Variants in MINDY4B observed in about 807,000 individuals in gnomAD.
MINDY4B encodes the protein MINDY family member 4B.
MINDY4B carries 25 observed loss-of-function variants against 16.7 expected under a neutral mutation model. The ratio of observed to expected loss-of-function variants is 1.49; its 90% confidence interval spans 1.09 to 2.09. The LOEUF is 2.09. Among genes scored for constraint, MINDY4B ranks in the 30% most tolerant of loss-of-function variants. The pLI is 0.00. For missense variants in MINDY4B, 327 were observed against 168.4 expected, an observed-to-expected ratio of 1.94 and a Z score of -5.21; for synonymous variants, 132 against 61.9, an observed-to-expected ratio of 2.13 and a Z score of -5.32.
At position 150,882,907 on chromosome 3, in the gene MINDY4B, C is replaced by G; in HGVS notation, c.1049G>C (p.Arg350Thr). The part of the protein sequence containing the change: ...QWGKDASEDD[R>T]LSQVGSMLKT... Reference sequence around the variant, plus strand: ...CTGGAACACACTCACCTGTGAGAGTCTGTCATCTTCCGAGGCATCCTTACC... The same window carrying G: ...CTGGAACACACTCACCTGTGAGAGTGTGTCATCTTCCGAGGCATCCTTACC... Residue 350 changes from arginine to threonine, a missense_variant, in exon 10 of 12, where the codon AGA becomes ACA. Transcript: ENST00000465419. The G allele has an allele frequency of 1.4e-6, 1 of 701,810 alleles. No homozygotes were observed. Among genetic ancestry groups the G allele is most frequent in the Non-Finnish European group, 2.6e-6 (1 of 384,232 alleles). 43.5% of individuals were successfully genotyped at this position (701,810 alleles called of 1,614,324 possible). A position where few individuals can be genotyped will look rare whatever the true frequency, so the allele number is the denominator to read the frequency against.
Position 150,890,962 on chromosome 3 carries a change from G to A in MINDY4B, c.663C>T (p.Tyr221=), listed in dbSNP as rs1711785382. ...CTCGCTCAGTGAAATTGTCCACAGA[G>A]TAGTCCGGAGTCGACGCAACGTAAA... ...EDIYVASTPD[Y]SVDNFTERLQ... Residue 221 remains tyrosine, a synonymous_variant, in exon 6 of 12, where the codon TAC becomes TAT. Transcript: ENST00000465419. The A allele has an allele frequency of 1.4e-6, 1 of 702,836 alleles. No individual in the cohort carries two copies. Among genetic ancestry groups the A allele is most frequent in the Non-Finnish European group, 2.6e-6 (1 of 384,820 alleles). The allele number at this position is 702,836 out of a possible 1,614,324, so 43.5% of individuals were successfully genotyped here.
chr3:150,879,920 G>C (rs1420537842), intron 10 of MINDY4B, among the ~76,000 whole-genome samples: 1 of 152,206 alleles, frequency 6.6e-6, no homozygotes, highest in Non-Finnish European at 1.5e-5. Context: ...TGGACACAGA[G>C]CCTCCCAATT....
At chr3:150,879,988 CATT>C (rs926704092) in intron 10 of MINDY4B, among the ~76,000 whole-genome samples, 3 of 152,238 alleles carry the variant, frequency 2.0e-5, no homozygotes, top group African/African-American at 7.2e-5. Flanking sequence ...AGCACTATAA[CATT>C]ATGCCTTGTT....
Position 150,903,363 on chromosome 3 carries a change from T to C in MINDY4B, c.195A>G (p.Leu65=). The change falls in exon 3 of 12, where the codon CTA becomes CTG. Residue 65 remains leucine (L), a synonymous_variant. Transcript: ENST00000465419. Reference sequence around the variant, plus strand: ...AATGTCCTTGTCCTTTGGGCTGAGATAGTCCTGTTCCATCTTCATTTTCAT... The same window carrying C: ...AATGTCCTTGTCCTTTGGGCTGAGACAGTCCTGTTCCATCTTCATTTTCAT... The part of the protein sequence containing the change: ...SADENEDGTG[L]SQPKGQGHLP... 1 of 398,580 alleles carries C rather than the reference T, an allele frequency of 2.5e-6. No individual in the cohort carries two copies. The highest frequency in any genetic ancestry group is 4.4e-6 in the Non-Finnish European group (1 of 226,020). The allele number at this position is 398,580 out of a possible 1,614,324, so 24.7% of individuals were successfully genotyped here.
At chr3:150,901,609 C>T (rs576553739) in intron 3 of MINDY4B, among the ~76,000 whole-genome samples, 117 of 150,694 alleles carry the variant, frequency 7.8e-4, no homozygotes, top group African/African-American at 2.3e-3. Flanking sequence ...GCAACCTCTG[C>T]GTCCTGGGTT....
chr3:150,890,267 T>A (rs1045718676), intron 7 of MINDY4B, 53 bp downstream of exon 7: 76 of 439,024 alleles, frequency 1.7e-4, no homozygotes, highest in South Asian at 2.1e-4. Flanking sequence ...AGGAAGAAGA[T>A]CCCTGTAAGA....
chr3:150,893,703 G>T lies in MINDY4B; in HGVS notation c.430-288C>A, dbSNP rs562645060. Among the ~76,000 whole-genome samples the T allele has an allele frequency of 4.6e-4, 43 of 93,898 alleles. 2 individuals are homozygous for T. The highest frequency in any genetic ancestry group is 0.014 in the Middle Eastern group (2 of 142). The allele number at this position is 93,898 out of a possible 152,430, so 61.6% of individuals were successfully genotyped here. On this transcript the variant is annotated intron_variant, in intron 4 of 11. Coordinates refer to ENST00000465419, the MANE Select transcript of MINDY4B (RefSeq NM_001351281.2). ...TTCATAGTAGTTTTTTTTTGGGGGG[G>T]GGGGTGGGGTGCAGTCTTGCTCTGT...
intron 10 of MINDY4B, among the ~76,000 whole-genome samples, chr3:150,877,642 C>T (rs188187204): frequency 6.6e-6 from 1 of 152,206 alleles, no homozygotes; most frequent in East Asian, 1.9e-4. Context: ...TGTGATTTGC[C>T]AAACCAGGAG....
chr3:150,891,789 A>G (rs1195041881), intron 5 of MINDY4B, among the ~76,000 whole-genome samples: 3 of 149,262 alleles, frequency 2.0e-5, no homozygotes, highest in African/African-American at 7.3e-5. Flanking sequence ...AAAAAAGTCA[A>G]GGAGCCTAAT....
At chr3:150,871,280 A>C in intron 11 of MINDY4B, 93 bp from the exon 12 acceptor site, 2 of 638,076 alleles carry the variant, frequency 3.1e-6, no homozygotes, top group South Asian at 3.6e-5. Flanking sequence ...GGTGGGCAGG[A>C]GTCAGGCTTG....
intron 7 of MINDY4B, among the ~76,000 whole-genome samples, chr3:150,887,385 G>A (rs1711655399): frequency 6.6e-6 from 1 of 152,176 alleles, no homozygotes; most frequent in Admixed American, 6.5e-5. Flanking sequence ...TTGGACCATA[G>A]TTGACCAGGG....
intron 10 of MINDY4B, among the ~76,000 whole-genome samples, chr3:150,876,413 A>G (rs1244728470): frequency 2.0e-5 from 3 of 152,182 alleles, no homozygotes; most frequent in African/African-American, 7.2e-5. Context: ...TCTGAACAGG[A>G]GAAAGGTGTT....
chr3:150,905,238 A>T (rs1476251668), intron 1 of MINDY4B, 89 bp downstream of exon 1: 1 of 398,226 alleles, frequency 2.5e-6, no homozygotes, highest in Non-Finnish European at 4.4e-6. Flanking sequence ...TATAAAGGAA[A>T]TTTCTCATGT....
At chr3:150,882,677 T>C (rs748545521) in intron 10 of MINDY4B, among the ~76,000 whole-genome samples, 4 of 152,144 alleles carry the variant, frequency 2.6e-5, no homozygotes, top group Non-Finnish European at 2.9e-5. Context: ...ACCTATTTTA[T>C]ATACATAAAA....
At chr3:150,894,144 C>T in intron 4 of MINDY4B, 42 bp downstream of exon 4, 2 of 657,282 alleles carry the variant, frequency 3.0e-6, no homozygotes, top group African/African-American at 1.8e-5. Context: ...GGATAAGGAA[C>T]ATGGGAATAA....
intron 5 of MINDY4B, among the ~76,000 whole-genome samples, chr3:150,892,927 T>A (rs1243091108): frequency 7.0e-6 from 1 of 141,980 alleles, no homozygotes; most frequent in East Asian, 2.0e-4. Flanking sequence ...GGGACAAGAG[T>A]GAGACTTTGT....
At chr3:150,901,816 C>T (rs751387812) in intron 3 of MINDY4B, among the ~76,000 whole-genome samples, 43 of 152,068 alleles carry the variant, frequency 2.8e-4, no homozygotes, top group Admixed American at 1.3e-4. Context: ...CCACCATGCC[C>T]GGCCAAGGCA....
At chr3:150,894,798 A>G (rs947685776) in intron 3 of MINDY4B, among the ~76,000 whole-genome samples, 3 of 152,218 alleles carry the variant, frequency 2.0e-5, no homozygotes, top group African/African-American at 7.2e-5. Flanking sequence ...GACTTTTTAT[A>G]AACCAAATGT....
rs1272343399 is a variant in MINDY4B at position 150,870,551 on chromosome 3, C to T, written c.*494G>A. Reference sequence around the variant, plus strand: ...TTACTATTTTAATGACAAGAACTTGCTAATGTGGGCATATGAACTGTATCC... The same window carrying T: ...TTACTATTTTAATGACAAGAACTTGTTAATGTGGGCATATGAACTGTATCC... On this transcript the variant is annotated 3_prime_UTR_variant, in exon 12 of 12. Coordinates refer to ENST00000465419, the MANE Select transcript of MINDY4B (RefSeq NM_001351281.2). Among the ~76,000 whole-genome samples, 1 of 152,160 alleles carries T rather than the reference C, an allele frequency of 6.6e-6. No individual in the cohort carries two copies. Among genetic ancestry groups the T allele is most frequent in the African/African-American group, 2.4e-5 (1 of 41,446 alleles).
Sources: gnomAD v4.1 joint callset for allele counts (sites outside exome capture counted in the v4.1 genomes callset) on GRCh38, gnomAD v4.1.1 for gene constraint, MANE v1.5 for transcripts, NCBI Gene and HGNC (gene_info 2026-07-23, HGNC 2026-07-21) for gene names.